EVI5L: variants seen among roughly 807,000 people sequenced by gnomAD.
The protein encoded by EVI5L is EVI5-like protein.
A neutral mutation model predicts 106.1 loss-of-function variants in EVI5L; 30 were observed. That is an observed-to-expected ratio of 0.28 (90% CI 0.21 to 0.38). The LOEUF (loss-of-function observed/expected upper bound fraction) is 0.38. Ranked by LOEUF, EVI5L falls within the 10% of genes least tolerant of loss-of-function variation. The pLI is 1.00. For missense variants in EVI5L, 809 were observed against 1,098.0 expected (o/e 0.74, Z 3.72); for synonymous variants, 489 against 483.3 (o/e 1.01, Z -0.15).
At position 7,846,360 on chromosome 19, in the gene EVI5L, G is replaced by T. The variant is rs756040937; in HGVS notation, c.-47-136G>T. ...GCATGGCTGTCAGCTGGGCTGGGGC[G>T]CATGGGGATGAGGGGTGCACGGACG... is the stretch of plus-strand genomic sequence containing the variant. On this transcript the variant is annotated intron_variant, in intron 1 of 19. Coordinates refer to ENST00000538904, the MANE Select transcript of EVI5L (RefSeq NM_001159944.3). 31 of 705,122 alleles carry T rather than the reference G, an allele frequency of 4.4e-5. 1 individual carries two copies. The Admixed American group carries it at 4.4e-4, about 10-fold the overall frequency. The allele number at this position is 705,122 out of a possible 1,614,324, so 43.7% of individuals were successfully genotyped here.
chr19:7,852,982 G>T (rs990890817), intron 8 of EVI5L, 104 bp from the exon 9 acceptor site: 1 of 1,092,228 alleles, frequency 9.2e-7, no homozygotes, highest in Non-Finnish European at 1.4e-6. Context: ...GCGACACCCC[G>T]GGCAGACCCG....
At chr19:7,833,846 A>G (rs1349384570) in intron 1 of EVI5L, among the ~76,000 whole-genome samples, 1 of 152,168 alleles carries the variant, frequency 6.6e-6, no homozygotes, top group Non-Finnish European at 1.5e-5. Flanking sequence ...CAGCACACAC[A>G]TGCTAGCAGC....
At chr19:7,831,226 A>AACACACACACACACACACACAC (rs4045095) in intron 1 of EVI5L, among the ~76,000 whole-genome samples, 1 of 130,364 alleles carries the variant, frequency 7.7e-6, no homozygotes, top group East Asian at 2.3e-4. Flanking sequence ...GAAAACCCCA[A>AACACACACACACACACACACAC]ACACACACAC....
chr19:7,853,633 C>T (rs1979376637), intron 10 of EVI5L: 2 of 473,100 alleles, frequency 4.2e-6, no homozygotes, highest in African/African-American at 2.0e-5. Flanking sequence ...ACTCTAAATG[C>T]TCTGGACAAG....
chr19:7,831,931 C>T (rs1168605335), intron 1 of EVI5L, among the ~76,000 whole-genome samples: 2 of 152,268 alleles, frequency 1.3e-5, no homozygotes. Context: ...TGGGTCGGGG[C>T]CTGCCAGAAG....
At chr19:7,847,997 G>C in intron 3 of EVI5L, 76 bp downstream of exon 3, 1 of 1,457,288 alleles carries the variant, frequency 6.9e-7, no homozygotes, top group Non-Finnish European at 9.1e-7. Flanking sequence ...ACCAGGCAGC[G>C]CCAGGGTCTG....
intron 1 of EVI5L, among the ~76,000 whole-genome samples, chr19:7,832,850 G>A (rs1389061265): frequency 6.6e-6 from 1 of 152,286 alleles, no homozygotes; most frequent in African/African-American, 2.4e-5. Context: ...TAGCCATGCT[G>A]AGGCCCCACA....
rs771768448 is a variant in EVI5L, at chr19:7,857,046, G to A, written c.1201-46G>A. 75 of 1,551,144 alleles carry A rather than the reference G, an allele frequency of 4.8e-5. 1 individual carries two copies. Among genetic ancestry groups the A allele is most frequent in the South Asian group, 4.3e-4 (36 of 84,050 alleles). ...CCCCTCTCCTGTCCCCGCGCCTTCC[G>A]CTCTGCCTCCTCCCCCTGTCGCTGG... On this transcript the variant is annotated intron_variant, in intron 11 of 19. Coordinates refer to ENST00000538904, the MANE Select transcript of EVI5L (RefSeq NM_001159944.3). This position sits in a 1 kb window ranked among gnomAD's most constrained non-coding sequence, Gnocchi z 4.5.
At position 7,835,950 on chromosome 19, in the gene EVI5L, G is replaced by A. The variant is rs1265948244; in HGVS notation, c.-48+5569G>A. On this transcript the variant is annotated intron_variant, in intron 1 of 19. Coordinates refer to ENST00000538904, the MANE Select transcript of EVI5L (RefSeq NM_001159944.3). The surrounding 1 kb of genome is among the most constrained non-coding windows in gnomAD (Gnocchi z 4.1). Reference sequence around the variant, plus strand: ...AGACATGGAGGAATCAGAAATGGGGGGTAGGGCCGGGCGTGGTGGCTCACA... The same window carrying A: ...AGACATGGAGGAATCAGAAATGGGGAGTAGGGCCGGGCGTGGTGGCTCACA... Among the ~76,000 whole-genome samples the A allele has an allele frequency of 1.3e-5, 2 of 151,974 alleles. No homozygotes were observed. Among genetic ancestry groups the A allele is most frequent in the East Asian group, 3.9e-4 (2 of 5,184 alleles).
chr19:7,847,889 G>A lies in EVI5L; in HGVS notation c.295G>A (p.Glu99Lys). ...GGGCCGGATCGCCAACGAGTGGGAG[G>A]AGTGGCGGCGCAGGAAGGAGAAGCT... Reference protein sequence around the residue: ...LWGRIANEWEEWRRRKEKLLK... With the variant: ...LWGRIANEWEKWRRRKEKLLK... Residue 99 changes from glutamate to lysine, a missense_variant, in exon 3 of 20, where the codon GAG (glutamate) becomes AAG (lysine). Coordinates refer to ENST00000538904, the MANE Select transcript of EVI5L (RefSeq NM_001159944.3). 1 of 1,571,972 alleles carries A rather than the reference G, an allele frequency of 6.4e-7. No individual in the cohort carries two copies. Among genetic ancestry groups the A allele is most frequent in the Non-Finnish European group, 8.6e-7 (1 of 1,158,138 alleles).
chr19:7,863,293 G>C lies in EVI5L; in HGVS notation c.2139+13G>C, dbSNP rs1365454657. ...GCTGAAGGCCGAGGTGAGCCGGCGCGGGGATGCCGGGGACAGGCCTGGGTG... is the reference window on the plus strand; with the variant it reads ...GCTGAAGGCCGAGGTGAGCCGGCGCCGGGATGCCGGGGACAGGCCTGGGTG... On this transcript the variant is annotated intron_variant, in intron 19 of 19. Coordinates refer to ENST00000538904, the MANE Select transcript of EVI5L (RefSeq NM_001159944.3). The surrounding 1 kb of genome is among the most constrained non-coding windows in gnomAD (Gnocchi z 7.7). 1.0e-5 allele frequency: 16 copies of C among 1,551,366 alleles called. No individual in the cohort carries two copies. Among genetic ancestry groups the C allele is most frequent in the Non-Finnish European group, 1.3e-5 (15 of 1,147,558 alleles).
rs1314008763 is a variant in EVI5L at position 7,860,556 on chromosome 19, C to T, written c.1375-5C>T. The T allele has an allele frequency of 6.3e-7, 1 of 1,582,630 alleles. No individual in the cohort carries two copies. Among genetic ancestry groups the T allele is most frequent in the Non-Finnish European group, 8.6e-7 (1 of 1,166,284 alleles). The stretch of plus-strand genomic sequence containing the variant: ...GGGCCCCACGCAGCTCTCTGCCTCC[C>T]CCAGGAGAACCCCCGCCTCACAGAA... On this transcript the variant is annotated splice_polypyrimidine_tract_variant and splice_region_variant and intron_variant, in intron 13 of 19. Coordinates refer to ENST00000538904, the MANE Select transcript of EVI5L (RefSeq NM_001159944.3).
In EVI5L at chr19:7,848,063, G is replaced by A; in HGVS notation, c.327+142G>A. On this transcript the variant is annotated intron_variant, in intron 3 of 19. Coordinates refer to ENST00000538904, the MANE Select transcript of EVI5L (RefSeq NM_001159944.3). This position sits in a 1 kb window ranked among gnomAD's most constrained non-coding sequence, Gnocchi z 4.8. The stretch of plus-strand genomic sequence containing the variant: ...GTGGAGATGTGCAGGCACTTTCAGG[G>A]TGTCCTGCCAGAGCACAGGGACAGG... The A allele has an allele frequency of 1.1e-6, 1 of 918,688 alleles. No homozygotes were observed. The highest frequency in any genetic ancestry group is 1.6e-6 in the Non-Finnish European group (1 of 627,152). The allele number at this position is 918,688 out of a possible 1,614,324, so 56.9% of individuals were successfully genotyped here.
Position 7,863,414 on chromosome 19 carries a change from C to T in EVI5L, c.2140-10C>T. ...CGGTCCACGCCTGCAGCGCCGGTCC[C>T]CCGCCCCAGGTGCGGCTGCTGAAGG... is the stretch of plus-strand genomic sequence containing the variant. On this transcript the variant is annotated splice_polypyrimidine_tract_variant and intron_variant, in intron 19 of 19. Transcript: ENST00000538904. The surrounding 1 kb of genome is among the most constrained non-coding windows in gnomAD (Gnocchi z 7.7). 1.3e-6 allele frequency: 2 copies of T among 1,533,850 alleles called. No individual in the cohort carries two copies. Among genetic ancestry groups the T allele is most frequent in the Non-Finnish European group, 1.8e-6 (2 of 1,140,546 alleles).
intron 15 of EVI5L, 38 bp downstream of exon 15, chr19:7,862,056 C>T: frequency 6.5e-7 from 1 of 1,542,474 alleles, no homozygotes; most frequent in Non-Finnish European, 8.7e-7. Flanking sequence ...AGAGCGCCCC[C>T]TAGGGCCATC....
intron 1 of EVI5L, among the ~76,000 whole-genome samples, chr19:7,839,987 T>A (rs143378191): frequency 6.6e-6 from 1 of 152,058 alleles, no homozygotes; most frequent in African/African-American, 2.4e-5. Flanking sequence ...ATGTGGGTGG[T>A]AGACTTGGCT....
At chr19:7,837,516 T>C (rs372816285) in intron 1 of EVI5L, among the ~76,000 whole-genome samples, 4 of 152,142 alleles carry the variant, frequency 2.6e-5, no homozygotes, top group Admixed American at 6.6e-5. Flanking sequence ...TATATTATTA[T>C]TAACTAAAGT....
At chr19:7,841,557 C>T (rs947013320) in intron 1 of EVI5L, among the ~76,000 whole-genome samples, 2 of 152,186 alleles carry the variant, frequency 1.3e-5, no homozygotes, top group Admixed American at 6.6e-5. Flanking sequence ...CTTTCCAGTG[C>T]TCTGGCCTGG....
At chr19:7,841,349 G>A (rs2146415863) in intron 1 of EVI5L, among the ~76,000 whole-genome samples, 1 of 152,242 alleles carries the variant, frequency 6.6e-6, no homozygotes, top group East Asian at 1.9e-4. Flanking sequence ...TGCCACGTGG[G>A]AGAATGAGAA....
Sources: gnomAD v4.1 joint callset for allele counts (sites outside exome capture counted in the v4.1 genomes callset) on GRCh38, gnomAD v4.1.1 for gene constraint, Gnocchi (gnomAD v3.1) non-coding constraint, MANE v1.5 for transcripts, NCBI Gene and HGNC (gene_info 2026-07-23, HGNC 2026-07-21) for gene names.